Variants in HS1BP3 observed in about 807,000 individuals in gnomAD.
HS1BP3 encodes HCLS1-binding protein 3.
Under a neutral mutation model 33.5 loss-of-function variants are expected in HS1BP3, and 32 were observed. That is an observed-to-expected ratio of 0.95 (90% CI 0.72 to 1.28). The LOEUF is 1.28. Among genes scored for constraint, HS1BP3 ranks in the 50% most tolerant of loss-of-function variants. HS1BP3 has a pLI of 0.00. For missense variants in HS1BP3, 486 were observed against 502.3 expected (o/e 0.97, Z 0.31); for synonymous variants, 187 against 209.2 (o/e 0.89, Z 0.92).
intron 5 of HS1BP3, among the ~76,000 whole-genome samples, chr2:20,566,834 T>G (rs1380590124): frequency 1.3e-5 from 2 of 152,134 alleles, no homozygotes; most frequent in East Asian, 3.9e-4. Flanking sequence ...CTCAAACTCC[T>G]GACCTCAGGT....
At chr2:20,629,204 T>A (rs1466509944) in intron 4 of HS1BP3, among the ~76,000 whole-genome samples, 1 of 152,216 alleles carries the variant, frequency 6.6e-6, no homozygotes, top group Non-Finnish European at 1.5e-5. Context: ...TTCTTCACCC[T>A]TCTCCTAGCA....
Position 20,641,163 on chromosome 2 carries a change from G to A in HS1BP3, c.216C>T (p.Ser72=), listed in dbSNP as rs781004903. 56 of 1,606,586 alleles carry A rather than the reference G, an allele frequency of 3.5e-5. No individual in the cohort carries two copies. The highest frequency in any genetic ancestry group is 5.3e-5 in the African/African-American group (4 of 74,916). The change falls in exon 3 of 7, where the codon AGC becomes AGT. Residue 72 remains serine (S), a synonymous_variant. Coordinates refer to ENST00000304031, the MANE Select transcript of HS1BP3 (RefSeq NM_022460.4). ...VVQFLVSKKY[S]EIEEFYQKLS... ...GTTTCTGGTAAAACTCCTCAATCTC[G>A]CTGTACTTTTTGGAGACCTGGAATG...
chr2:20,595,119 C>T (rs1194755199), intron 3 of HS1BP3, among the ~76,000 whole-genome samples: 4 of 152,288 alleles, frequency 2.6e-5, no homozygotes, highest in Admixed American at 6.5e-5. Context: ...AGAGCCTCGG[C>T]AGCCTTGGGA....
downstream of HS1BP3, among the ~76,000 whole-genome samples, chr2:20,589,828 G>C (rs576276150): frequency 6.4e-4 from 97 of 152,192 alleles, no homozygotes; most frequent in African/African-American, 2.3e-3. Context: ...ACTCCTCACA[G>C]CTGGGGGCGG....
At chr2:20,626,716 T>TCAGGCC (rs1226181546) in intron 4 of HS1BP3, among the ~76,000 whole-genome samples, 2 of 152,106 alleles carry the variant, frequency 1.3e-5, no homozygotes, top group Non-Finnish European at 2.9e-5. Flanking sequence ...AGGGACCTCC[T>TCAGGCC]CTGCTGTGCA....
intron 2 of HS1BP3, among the ~76,000 whole-genome samples, chr2:20,600,791 T>C (rs1694055086): frequency 6.6e-6 from 1 of 152,220 alleles, no homozygotes; most frequent in Admixed American, 6.5e-5. Context: ...TTGTGTGTAA[T>C]TCTTTTTCTT....
downstream of HS1BP3, among the ~76,000 whole-genome samples, chr2:20,588,851 T>C (rs936560424): frequency 2.0e-5 from 3 of 152,244 alleles, no homozygotes; most frequent in Non-Finnish European, 4.4e-5. Context: ...CACAGAGGCC[T>C]GTCCCCAAGG....
chr2:20,557,565 T>C (rs1275514896), downstream of HS1BP3, among the ~76,000 whole-genome samples: 1 of 152,236 alleles, frequency 6.6e-6, no homozygotes. Flanking sequence ...TACATTTCTA[T>C]AGCATTTGGA....
In HS1BP3 at chr2:20,646,495, C is replaced by G. The variant is rs1200689222; in HGVS notation, c.33-990G>C. On this transcript the variant is annotated intron_variant, in intron 1 of 6. Transcript: ENST00000304031. ...ACGCTAGGCCACGCTGTCACCAGCA[C>G]AACGCTGCTGTCACCAACTGGTGAG... is the stretch of plus-strand genomic sequence containing the variant. Among the ~76,000 whole-genome samples, 3 of 152,268 alleles carry G rather than the reference C, an allele frequency of 2.0e-5. No homozygotes were observed. The East Asian group carries it at 5.8e-4, about 29-fold the overall frequency.
At chr2:20,646,276 G>A (rs1001777103) in intron 1 of HS1BP3, among the ~76,000 whole-genome samples, 22 of 152,186 alleles carry the variant, frequency 1.4e-4, no homozygotes, top group African/African-American at 5.1e-4. Context: ...GGCAGGACAC[G>A]TGGGGCACCC....
chr2:20,590,476 T>A (rs942046889), downstream of HS1BP3, among the ~76,000 whole-genome samples: 1 of 152,174 alleles, frequency 6.6e-6, no homozygotes, highest in Admixed American at 6.5e-5. Context: ...CCTCACCCCC[T>A]CATCCCGGAG....
At chr2:20,624,347 C>T (rs761189757) in intron 5 of HS1BP3, among the ~76,000 whole-genome samples, 7 of 152,146 alleles carry the variant, frequency 4.6e-5, no homozygotes, top group Non-Finnish European at 8.8e-5. Context: ...TTCCCCTCAC[C>T]GGAGGACGAC....
intron 5 of HS1BP3, among the ~76,000 whole-genome samples, chr2:20,574,931 A>G (rs1309596599): frequency 2.6e-5 from 4 of 152,192 alleles, no homozygotes; most frequent in Non-Finnish European, 4.4e-5. Context: ...TGGAGCCTCA[A>G]TCCCCTCCTC....
intron 6 of HS1BP3, chr2:20,622,051 G>A: frequency 1.9e-6 from 1 of 528,358 alleles, no homozygotes; most frequent in Non-Finnish European, 2.9e-6. Context: ...TAGAGGCCCT[G>A]CCCTGGTGTG....
downstream of HS1BP3, among the ~76,000 whole-genome samples, chr2:20,558,982 C>T (rs1448811850): frequency 6.6e-6 from 1 of 152,196 alleles, no homozygotes; most frequent in Non-Finnish European, 1.5e-5. Context: ...TGTGCTGCAT[C>T]GCAAGCTGGG....
downstream of HS1BP3, among the ~76,000 whole-genome samples, chr2:20,555,761 T>A (rs572422768): frequency 1.2e-4 from 19 of 152,252 alleles, no homozygotes; most frequent in Admixed American, 1.0e-3. Flanking sequence ...TATCCAGTTA[T>A]GAAACTTCTT....
Position 20,578,230 on chromosome 2 carries a change from G to A in HS1BP3, c.303-17715C>T, listed in dbSNP as rs76479734. Among the ~76,000 whole-genome samples, 1,105 of 152,324 alleles carry A rather than the reference G, an allele frequency of 7.3e-3. 13 individuals carry two copies. Among genetic ancestry groups the A allele is most frequent in the African/African-American group, 0.024 (1,009 of 41,572 alleles). The stretch of plus-strand genomic sequence containing the variant: ...CAGCCTCTCTTGACCAGTGCCTAGC[G>A]TCCTACCTGTGGCTCCTAAGTGGCT... On this transcript the variant is annotated intron_variant, in intron 5 of 5. Transcript: ENST00000446825.
chr2:20,631,894 T>C (rs925040661), intron 4 of HS1BP3, among the ~76,000 whole-genome samples: 2 of 152,100 alleles, frequency 1.3e-5, no homozygotes, highest in Non-Finnish European at 1.5e-5. Context: ...CCAGGCCACA[T>C]GTAAAGGTGG....
intron 2 of HS1BP3, among the ~76,000 whole-genome samples, chr2:20,643,192 A>C (rs1695410168): frequency 6.6e-6 from 1 of 152,196 alleles, no homozygotes. Context: ...CCCTGCACGC[A>C]CACACTCCAC....
Sources: allele counts gnomAD v4.1 joint callset (sites outside exome capture counted in the v4.1 genomes callset), GRCh38; gene constraint gnomAD v4.1.1; transcripts MANE v1.5; gene names NCBI Gene and HGNC (gene_info 2026-07-23, HGNC 2026-07-21).